BRD4: variants seen among roughly 807,000 people sequenced by gnomAD.
BRD4 encodes the protein bromodomain containing 4.
Under a neutral mutation model 142.1 loss-of-function variants are expected in BRD4, and 16 were observed. The ratio of observed to expected loss-of-function variants is 0.11; its 90% CI spans 0.08 to 0.17. BRD4 has a LOEUF of 0.17. Ranked by LOEUF, BRD4 falls within the 10% of genes least tolerant of loss-of-function variation. BRD4 has a pLI of 1.00. For synonymous variants in BRD4, 833 were observed against 707.5 expected (o/e 1.18, Z -2.82); for missense variants, 1,424 against 1,810.9 (o/e 0.79, Z 3.88).
intron 1 of BRD4, among the ~76,000 whole-genome samples, chr19:15,320,630 G>A (rs1314920911): frequency 6.6e-6 from 1 of 152,108 alleles, no homozygotes; most frequent in Non-Finnish European, 1.5e-5. Context: ...TCACTCCTGT[G>A]CTCCCTTCAG....
intron 1 of BRD4, among the ~76,000 whole-genome samples, chr19:15,274,940 C>A (rs11879533): frequency 6.3e-4 from 95 of 151,824 alleles, no homozygotes; most frequent in African/African-American, 2.3e-3. Context: ...CTCACTGCAA[C>A]CTCTGCCTTC....
chr19:15,331,548 C>T (rs1054934991), intron 1 of BRD4, among the ~76,000 whole-genome samples: 1 of 152,188 alleles, frequency 6.6e-6, no homozygotes, highest in Non-Finnish European at 1.5e-5. Context: ...GCCAAGCTCG[C>T]CTCCAGGGCA....
In BRD4 at chr19:15,244,502, CGGAGGTGGAGGCGGTGGGGGCTGCTGG is replaced by C; in HGVS notation, c.2283_2309del (p.Pro764_Gln772del). On this transcript the variant is annotated inframe_deletion, in exon 13 of 20. Transcript: ENST00000679869. The stretch of plus-strand genomic sequence containing the variant: ...GGGGTGGCGGCTGCTGTTGCTGCTG[CGGAGGTGGAGGCGGTGGGGGCTGCTGG>C]GGAGGCGGGGGCGGCTGCTGGGGCA... 2.9e-6 allele frequency: 1 copy of C among 340,192 alleles called. No homozygotes were observed. The highest frequency in any genetic ancestry group is 3.9e-6 in the Non-Finnish European group (1 of 255,348). 21.1% of individuals were successfully genotyped at this position (340,192 alleles called of 1,614,324 possible). A position where few individuals can be genotyped will look rare whatever the true frequency, so the allele number is the denominator to read the frequency against.
Position 15,273,056 on chromosome 19 carries a change from G to GGC in BRD4, c.42_43dup (p.Pro15ArgfsTer3), listed in dbSNP as rs775178453. 1 of 1,610,706 alleles carries GGC rather than the reference G, an allele frequency of 6.2e-7. No individual in the cohort carries two copies. On this transcript the variant is annotated frameshift_variant, in exon 2 of 20. Transcript: ENST00000679869. LOFTEE classifies it high-confidence loss of function. Reference sequence around the variant, plus strand: ...AGTTTCTAGTCCATCCCCCATTACTGGCAGATTTCTCAATCTCGTCCCAGG... The same window carrying GGC: ...AGTTTCTAGTCCATCCCCCATTACTGGCGCAGATTTCTCAATCTCGTCCCAGG...
At chr19:15,296,879 C>G (rs1233465414) in intron 1 of BRD4, among the ~76,000 whole-genome samples, 1 of 152,168 alleles carries the variant, frequency 6.6e-6, no homozygotes, top group East Asian at 1.9e-4. Context: ...AGGCATATAA[C>G]CCTTTCTGCC....
At chr19:15,251,045 T>C (rs1312654541) in intron 11 of BRD4, among the ~76,000 whole-genome samples, 1 of 152,140 alleles carries the variant, frequency 6.6e-6, no homozygotes, top group African/African-American at 2.4e-5. Context: ...AAGCAATAGC[T>C]GGAATCAGAG....
intron 2 of BRD4, 82 bp downstream of exon 2, chr19:15,272,733 C>A (rs960331869): frequency 2.2e-6 from 3 of 1,354,902 alleles, no homozygotes. Flanking sequence ...TCCTACCCTC[C>A]CCCCAGGAAC....
chr19:15,245,664 C>A (rs966656018), intron 11 of BRD4, among the ~76,000 whole-genome samples: 2 of 152,192 alleles, frequency 1.3e-5, no homozygotes, highest in African/African-American at 2.4e-5. Context: ...GTCCCCTCAC[C>A]AAACATGGAT....
intron 1 of BRD4, among the ~76,000 whole-genome samples, chr19:15,298,944 A>C (rs2047846308): frequency 6.6e-6 from 1 of 152,128 alleles, no homozygotes; most frequent in African/African-American, 2.4e-5. Context: ...ACATCGTGTC[A>C]CCTTTACAGG....
intron 1 of BRD4, among the ~76,000 whole-genome samples, chr19:15,307,241 GAAGT>G (rs1285545360): frequency 1.3e-5 from 2 of 152,188 alleles, no homozygotes; most frequent in Non-Finnish European, 2.9e-5. Flanking sequence ...CACCTTCAGT[GAAGT>G]AAGAGCGCTG....
Position 15,243,117 on chromosome 19 carries a change from A to AGGCTGGGGCTGGGGTGGT in BRD4, c.2934_2951dup (p.Pro982_Gln987dup). On this transcript the variant is annotated inframe_insertion, in exon 14 of 20. Transcript: ENST00000679869. Reference sequence around the variant, plus strand: ...GGGGCTGATGCTGCTGCTGGGGTGGAGGCTGGGGCTGGGGTGGTGGGGGTG... The same window carrying AGGCTGGGGCTGGGGTGGT: ...GGGGCTGATGCTGCTGCTGGGGTGGAGGCTGGGGCTGGGGTGGTGGCTGGGGCTGGGGTGGTGGGGGTG... 2.1e-6 allele frequency: 1 copy of AGGCTGGGGCTGGGGTGGT among 474,274 alleles called. No individual in the cohort carries two copies. The allele number at this position is 474,274 out of a possible 1,614,324, so 29.4% of individuals were successfully genotyped here.
chr19:15,309,750 T>G (rs950423033), intron 1 of BRD4, among the ~76,000 whole-genome samples: 1 of 152,162 alleles, frequency 6.6e-6, no homozygotes, highest in Non-Finnish European at 1.5e-5. Flanking sequence ...ATCAAAGATG[T>G]TTCCTTCTCA....
At chr19:15,306,677 G>A (rs1298738926) in intron 1 of BRD4, among the ~76,000 whole-genome samples, 1 of 152,164 alleles carries the variant, frequency 6.6e-6, no homozygotes, top group Non-Finnish European at 1.5e-5. Flanking sequence ...TAAGACAGTT[G>A]TGTCTCAAGG....
At chr19:15,252,424 C>T (rs1011505316) in intron 11 of BRD4, among the ~76,000 whole-genome samples, 1 of 152,226 alleles carries the variant, frequency 6.6e-6, no homozygotes, top group Non-Finnish European at 1.5e-5. Context: ...AACTAGAAAA[C>T]AGGAGGTGCA....
intron 1 of BRD4, among the ~76,000 whole-genome samples, chr19:15,319,406 G>A (rs556432361): frequency 6.6e-6 from 1 of 152,214 alleles, no homozygotes; most frequent in South Asian, 2.1e-4. Flanking sequence ...CGATGCTACA[G>A]TGAATGACTG....
chr19:15,281,881 G>A (rs774834518), intron 1 of BRD4, among the ~76,000 whole-genome samples: 4 of 152,172 alleles, frequency 2.6e-5, no homozygotes, highest in Non-Finnish European at 5.9e-5. Context: ...AGCCAGGCAT[G>A]GCGGCGTGCA....
intron 13 of BRD4, 51 bp from the exon 14 acceptor site, chr19:15,243,538 G>A (rs748893436): frequency 1.3e-6 from 2 of 1,492,752 alleles, no homozygotes; most frequent in Admixed American, 2.4e-5. Context: ...TGTGGCCCCA[G>A]CCTGGCCTTT....
intron 1 of BRD4, among the ~76,000 whole-genome samples, chr19:15,283,675 G>A (rs1282000785): frequency 6.6e-6 from 1 of 152,156 alleles, no homozygotes; most frequent in Non-Finnish European, 1.5e-5. Context: ...ACAGATCCAC[G>A]AGTGGGAATG....
intron 11 of BRD4, chr19:15,249,136 C>T (rs189968090): frequency 5.7e-6 from 8 of 1,411,186 alleles, no homozygotes; most frequent in South Asian, 1.3e-5. Flanking sequence ...TAATCCACCC[C>T]GGGGGACAGG....
Sources: allele counts gnomAD v4.1 joint callset (sites outside exome capture counted in the v4.1 genomes callset), GRCh38; gene constraint gnomAD v4.1.1; transcripts MANE v1.5; gene names NCBI Gene and HGNC (gene_info 2026-07-23, HGNC 2026-07-21).